SYT16: variants seen among roughly 807,000 people sequenced by gnomAD.
SYT16 encodes synaptotagmin 16.
Under a neutral mutation model 61.4 loss-of-function variants are expected in SYT16, and 42 were observed. That is an observed-to-expected ratio of 0.68 (90% CI 0.53 to 0.89). The LOEUF is 0.89. Ranked by LOEUF, SYT16 falls within the 40% of genes least tolerant of loss-of-function variation. The pLI is 0.00. For missense variants in SYT16, 804 were observed against 807.3 expected (o/e 1.00, Z 0.05); for synonymous variants, 314 against 302.3 (o/e 1.04, Z -0.40).
intron 3 of SYT16, among the ~76,000 whole-genome samples, chr14:62,054,890 C>G (rs1252685308): frequency 6.6e-6 from 1 of 152,116 alleles, no homozygotes. Context: ...AGCTAGAAAG[C>G]TAGAAACTCA....
intron 1 of SYT16, among the ~76,000 whole-genome samples, chr14:61,886,880 C>CTTTTTTTTTTT (rs371140698): frequency 1.6e-4 from 18 of 110,790 alleles, no homozygotes; most frequent in Non-Finnish European, 2.4e-4. Flanking sequence ...TTTTTTTTGT[C>CTTTTTTTTTTT]TTTTTTTTTT....
At chr14:61,858,120 C>CAAAAAAAAAAAAAAAAAAAAAA (rs34781118) in intron 1 of SYT16, among the ~76,000 whole-genome samples, 7 of 43,218 alleles carry the variant, frequency 1.6e-4, no homozygotes, top group Admixed American at 3.7e-4. Context: ...CACAGCTTGG[C>CAAAAAAAAAAAAAAAAAAAAAA]AAAAAAAAAA....
At chr14:61,874,946 G>C (rs1051332722) in intron 1 of SYT16, among the ~76,000 whole-genome samples, 2 of 152,118 alleles carry the variant, frequency 1.3e-5, no homozygotes, top group African/African-American at 4.8e-5. Context: ...AAAACACACT[G>C]AATTTTTTCT....
chr14:62,108,789 A>C lies in SYT16; in HGVS notation c.*8082A>C, dbSNP rs2057554647. On this transcript the variant is annotated 3_prime_UTR_variant, in exon 8 of 8. Transcript: ENST00000683842. ...TTATTATGACAGAGGTTTCTGTTAC[A>C]ATATTTTCTCTTATAGTGTTGGGAT... The C allele has an allele frequency of 6.6e-6, 1 of 152,150 alleles. No individual in the cohort carries two copies. The highest frequency in any genetic ancestry group is 6.6e-5 in the Admixed American group (1 of 15,258). The allele number at this position is 152,150 out of a possible 1,614,324, so 9.4% of individuals were successfully genotyped here. A position where few individuals can be genotyped will look rare whatever the true frequency, so the allele number is the denominator to read the frequency against.
intron 1 of SYT16, among the ~76,000 whole-genome samples, chr14:61,813,216 G>C (rs1203947486): frequency 2.6e-5 from 4 of 152,246 alleles, no homozygotes. Context: ...CTGCCTTTTG[G>C]GGATCAGGGT....
At chr14:62,039,896 T>C (rs1170868868) in intron 3 of SYT16, among the ~76,000 whole-genome samples, 1 of 147,934 alleles carries the variant, frequency 6.8e-6, no homozygotes, top group African/African-American at 2.5e-5. Flanking sequence ...CACACTAGAT[T>C]TTACTGACTC....
intron 3 of SYT16, among the ~76,000 whole-genome samples, chr14:62,050,027 A>C (rs1169653933): frequency 2.0e-5 from 3 of 152,106 alleles, no homozygotes; most frequent in East Asian, 3.8e-4. Context: ...CTGCCTTGCT[A>C]GATTTGGGAA....
At chr14:62,091,203 A>G (rs770969791) in intron 7 of SYT16, among the ~76,000 whole-genome samples, 1 of 152,228 alleles carries the variant, frequency 6.6e-6, no homozygotes, top group Non-Finnish European at 1.5e-5. Context: ...CCAGAGGACA[A>G]TGGGAAAAGA....
intron 3 of SYT16, among the ~76,000 whole-genome samples, chr14:62,014,910 T>C (rs1344495320): frequency 1.3e-5 from 2 of 152,234 alleles, no homozygotes; most frequent in Admixed American, 6.5e-5. Context: ...TCTTCTAGCA[T>C]CCTGAAATAC....
At chr14:61,915,650 T>C (rs1476172890) in intron 1 of SYT16, among the ~76,000 whole-genome samples, 3 of 152,180 alleles carry the variant, frequency 2.0e-5, no homozygotes, top group Non-Finnish European at 4.4e-5. Context: ...TGAGCAATTG[T>C]TTTTGAACAG....
intron 3 of SYT16, among the ~76,000 whole-genome samples, chr14:62,010,535 G>A (rs553976458): frequency 6.6e-5 from 10 of 152,150 alleles, no homozygotes; most frequent in South Asian, 6.2e-4. Flanking sequence ...CACTTTGCCC[G>A]TGCTTATTAG....
rs537958450 is a variant in SYT16 at position 61,817,782 on chromosome 14, T to A, written c.-325+4972T>A. 2.0e-4 allele frequency among the ~76,000 whole-genome samples: 30 copies of A among 152,336 alleles called. No homozygotes were observed. The South Asian group carries it at 4.6e-3, about 23-fold the overall frequency. ...TGTATCAGTGTTAAATTTCTTAAAT[T>A]TGATATTTTTATTGTGGTTGACATG... On this transcript the variant is annotated intron_variant, in intron 1 of 7. Transcript: ENST00000683842.
intron 1 of SYT16, among the ~76,000 whole-genome samples, chr14:61,821,997 G>T (rs1170298150): frequency 6.6e-6 from 1 of 152,154 alleles, no homozygotes; most frequent in Non-Finnish European, 1.5e-5. Flanking sequence ...TATTAGGGGA[G>T]AATTGGCTAA....
chr14:62,034,704 G>T (rs1263977738), intron 3 of SYT16, among the ~76,000 whole-genome samples: 1 of 150,896 alleles, frequency 6.6e-6, no homozygotes, highest in Non-Finnish European at 1.5e-5. Flanking sequence ...GGGATGGGGG[G>T]ATTCCAGGGG....
At chr14:62,004,070 A>G (rs553964253) in intron 3 of SYT16, among the ~76,000 whole-genome samples, 1 of 152,262 alleles carries the variant, frequency 6.6e-6, no homozygotes, top group Non-Finnish European at 1.5e-5. Flanking sequence ...CATCCTGTGT[A>G]TTAGTCCATT....
rs1282063650 is a variant in SYT16, at chr14:62,104,984, A to G, written c.*4277A>G. ...TCTTCTTTTTCTAGCAAATGTTATT[A>G]TAACACTAGAGAAAAACAAAAACCA... On this transcript the variant is annotated 3_prime_UTR_variant, in exon 8 of 8. Coordinates refer to ENST00000683842, the MANE Select transcript of SYT16 (RefSeq NM_001367656.1). 1.3e-5 allele frequency: 2 copies of G among 152,206 alleles called. No homozygotes were observed. Among genetic ancestry groups the G allele is most frequent in the Non-Finnish European group, 2.9e-5 (2 of 68,044 alleles). 9.4% of individuals were successfully genotyped at this position (152,206 alleles called of 1,614,324 possible).
intron 3 of SYT16, 86 bp downstream of exon 3, chr14:61,996,628 T>C (rs552601273): frequency 6.8e-7 from 1 of 1,476,888 alleles, no homozygotes; most frequent in Non-Finnish European, 9.0e-7. Flanking sequence ...AGTTATCATG[T>C]GGATTTTATT....
intron 3 of SYT16, among the ~76,000 whole-genome samples, chr14:62,052,987 A>G (rs1265461627): frequency 6.6e-6 from 1 of 152,350 alleles, no homozygotes; most frequent in East Asian, 1.9e-4. Context: ...GCTGTAATAA[A>G]TATCTACAAA....
At chr14:62,098,179 A>T (rs1225335196) in intron 7 of SYT16, among the ~76,000 whole-genome samples, 3 of 152,266 alleles carry the variant, frequency 2.0e-5, no homozygotes. Flanking sequence ...TGGAGAGAAC[A>T]GTAAATTACA....
Sources: gnomAD v4.1 joint callset for allele counts (sites outside exome capture counted in the v4.1 genomes callset) on GRCh38, gnomAD v4.1.1 for gene constraint, MANE v1.5 for transcripts, NCBI Gene and HGNC (gene_info 2026-07-23, HGNC 2026-07-21) for gene names.